HERC1: variants seen among roughly 807,000 people sequenced by gnomAD.
HERC1 encodes the protein probable E3 ubiquitin-protein ligase HERC1.
A neutral mutation model predicts 554.3 loss-of-function variants in HERC1; 160 were observed. The observed-to-expected ratio is 0.29, with a 90% confidence interval of 0.25 to 0.33. HERC1 has a LOEUF of 0.33. Ranked by LOEUF, HERC1 falls within the 10% of genes least tolerant of loss-of-function variation. The pLI is 1.00. For synonymous variants in HERC1, 2,175 were observed against 2,131.7 expected, an observed-to-expected ratio of 1.02 and a Z score of -0.56; for missense variants, 4,919 against 5,918.5, an observed-to-expected ratio of 0.83 and a Z score of 5.54.
In HERC1 at chr15:63,828,832, T is replaced by C. The variant is rs566970889; in HGVS notation, c.-27+4995A>G. ...AAACTAAAGGGAGTGGTAAAGAAAA[T>C]AACTAACCTAAGTAACTTTGGAAAA... On this transcript the variant is annotated intron_variant, in intron 1 of 77. Coordinates refer to ENST00000443617, the MANE Select transcript of HERC1 (RefSeq NM_003922.4). Among the ~76,000 whole-genome samples, 8 of 152,154 alleles carry C rather than the reference T, an allele frequency of 5.3e-5. 1 individual carries two copies. Among genetic ancestry groups the C allele is most frequent in the African/African-American group, 1.9e-4 (8 of 41,498 alleles).
In HERC1 at chr15:63,608,825, C is replaced by G. The variant is rs1475217027; in HGVS notation, c.*256G>C. On this transcript the variant is annotated 3_prime_UTR_variant, in exon 78 of 78. Coordinates refer to ENST00000443617, the MANE Select transcript of HERC1 (RefSeq NM_003922.4). ...ATGCACCAAAATGGTTTCATGCAAA[C>G]TTATCAAAAGTGACCAAAAATATGG... 1 of 319,052 alleles carries G rather than the reference C, an allele frequency of 3.1e-6. No individual in the cohort carries two copies. Among genetic ancestry groups the G allele is most frequent in the Non-Finnish European group, 5.7e-6 (1 of 174,194 alleles). The allele number at this position is 319,052 out of a possible 1,614,324, so 19.8% of individuals were successfully genotyped here.
rs1022076567 is a variant in HERC1 at position 63,612,984 on chromosome 15, A to T, written c.14095-428T>A. Among the ~76,000 whole-genome samples the T allele has an allele frequency of 6.6e-6, 1 of 152,194 alleles. No individual in the cohort carries two copies. Among genetic ancestry groups the T allele is most frequent in the African/African-American group, 2.4e-5 (1 of 41,446 alleles). On this transcript the variant is annotated intron_variant, in intron 76 of 77. Coordinates refer to ENST00000443617, the MANE Select transcript of HERC1 (RefSeq NM_003922.4). The surrounding 1 kb of genome is among the most constrained non-coding windows in gnomAD (Gnocchi z 5.0). ...TCAACTAGCTGCCTACTGTTTTTTA[A>T]ATTTATATTTGTCTTTTGAAAATAA... is the stretch of plus-strand genomic sequence containing the variant.
chr15:63,640,119 G>T, intron 61 of HERC1, 33 bp downstream of exon 61: 1 of 1,599,416 alleles, frequency 6.3e-7, no homozygotes, highest in Non-Finnish European at 8.6e-7. Context: ...TAAAATCTCA[G>T]CTGCAAATAA....
chr15:63,681,943 TAA>T (rs955819411), intron 34 of HERC1, among the ~76,000 whole-genome samples: 5 of 152,224 alleles, frequency 3.3e-5, no homozygotes, highest in African/African-American at 1.2e-4. Flanking sequence ...CATTATAATA[TAA>T]GTCTCCGTCA....
chr15:63,735,024 T>C (rs2074439428), intron 12 of HERC1, among the ~76,000 whole-genome samples, 175 bp from the exon 13 acceptor site: 1 of 152,198 alleles, frequency 6.6e-6, no homozygotes, highest in African/African-American at 2.4e-5. Context: ...TATGAATACA[T>C]ATTTTCGATT....
Position 63,677,753 on chromosome 15 carries a change from C to G in HERC1, c.7070+92G>C. The G allele has an allele frequency of 6.6e-7, 1 of 1,509,656 alleles. No individual in the cohort carries two copies. The highest frequency in any genetic ancestry group is 8.8e-7 in the Non-Finnish European group (1 of 1,131,604). 93.5% of individuals were successfully genotyped at this position (1,509,656 alleles called of 1,614,324 possible). Reference sequence around the variant, plus strand: ...TTTTTAAAAGTTAACTGGCAGCTCACCTAAAATACATAATTACTCACTGTC... The same window carrying G: ...TTTTTAAAAGTTAACTGGCAGCTCAGCTAAAATACATAATTACTCACTGTC... On this transcript the variant is annotated intron_variant, in intron 37 of 77. Transcript: ENST00000443617. This position sits in a 1 kb window ranked among gnomAD's most constrained non-coding sequence, Gnocchi z 4.4.
At chr15:63,774,583 A>G (rs1329716450) in intron 2 of HERC1, 111 bp downstream of exon 2, 2 of 789,000 alleles carry the variant, frequency 2.5e-6, no homozygotes, top group Non-Finnish European at 2.0e-6. Flanking sequence ...AATTAACTCA[A>G]CAATCACCAA....
At chr15:63,665,072 G>A (rs887358792) in intron 42 of HERC1, among the ~76,000 whole-genome samples, 6 of 152,060 alleles carry the variant, frequency 3.9e-5, no homozygotes, top group African/African-American at 1.4e-4. Flanking sequence ...CATAAGAAGT[G>A]ATGAAGGAAA....
At chr15:63,773,760 T>C (rs1370767972) in intron 2 of HERC1, among the ~76,000 whole-genome samples, 2 of 151,848 alleles carry the variant, frequency 1.3e-5, no homozygotes, top group African/African-American at 4.8e-5. Context: ...GCCAGGCTGG[T>C]TTCAAACTCC....
intron 3 of HERC1, among the ~76,000 whole-genome samples, chr15:63,762,838 G>A (rs1312530150): frequency 3.9e-5 from 6 of 152,176 alleles, no homozygotes; most frequent in African/African-American, 4.8e-5. Flanking sequence ...TGAGTGTTGC[G>A]AGGGAAACTG....
In HERC1 at chr15:63,762,241, AAAC is replaced by A. The variant is rs540030192; in HGVS notation, c.1026+1852_1026+1854del. On this transcript the variant is annotated intron_variant, in intron 3 of 77. Coordinates refer to ENST00000443617, the MANE Select transcript of HERC1 (RefSeq NM_003922.4). The stretch of plus-strand genomic sequence containing the variant: ...CTGAAGAGACTAATAGCCAAAAATG[AAAC>A]AACATGACCTTCACTGCAGATAATA... 2.5e-4 allele frequency among the ~76,000 whole-genome samples: 38 copies of A among 152,352 alleles called. No individual in the cohort carries two copies. In the South Asian group the frequency reaches 7.7e-3, roughly 31 times the overall value.
At position 63,677,940 on chromosome 15, in the gene HERC1, G is replaced by A. The variant is rs185323517; in HGVS notation, c.6975C>T (p.His2325=). The A allele has an allele frequency of 5.6e-6, 9 of 1,613,982 alleles. No homozygotes were observed. The African/African-American group carries it at 8.0e-5, about 14-fold the overall frequency. ...GCGTGGCATGGCGCCCAGTTTGCTTGTGAACACACCGACCTCCAACTCTAA... is the reference window on the plus strand; with the variant it reads ...GCGTGGCATGGCGCCCAGTTTGCTTATGAACACACCGACCTCCAACTCTAA... The part of the protein sequence containing the change: ...AGLRVGGRCV[H]KQTGRHATLL... Residue 2325 remains histidine, a synonymous_variant, in exon 37 of 78, where the codon CAC becomes CAT. Coordinates refer to ENST00000443617, the MANE Select transcript of HERC1 (RefSeq NM_003922.4). The surrounding 1 kb of genome is among the most constrained non-coding windows in gnomAD (Gnocchi z 4.4).
chr15:63,804,871 T>G (rs750500724), intron 1 of HERC1, among the ~76,000 whole-genome samples: 1 of 152,124 alleles, frequency 6.6e-6, no homozygotes, highest in Non-Finnish European at 1.5e-5. Context: ...GAAATGGAAA[T>G]TGAAACCACA....
At position 63,774,740 on chromosome 15, in the gene HERC1, C is replaced by T; in HGVS notation, c.884G>A (p.Ser295Asn). 6.2e-7 allele frequency: 1 copy of T among 1,613,860 alleles called. No individual in the cohort carries two copies. Among genetic ancestry groups the T allele is most frequent in the Non-Finnish European group, 8.5e-7 (1 of 1,179,802 alleles). ...TAATATGGTCATAAAGCAGTCAAAG[C>T]TGATCATTCCTTCCTGGCTTGAGAG... ...KLLSSQEGMI[S>N]FDCFMTILMQ... Residue 295 changes from serine to asparagine, a missense_variant, in exon 2 of 78, where the codon AGC (serine) becomes AAC (asparagine). Physicochemically the swap from Ser to Asn is conservative, Grantham distance 46 (BLOSUM62 1). Around this residue, in one of 11 missense-constraint regions of HERC1, gnomAD observed 744 missense variants for 1,090.0 expected, o/e 0.68. Transcript: ENST00000443617.
chr15:63,693,148 A>G (rs1195770302), intron 30 of HERC1, among the ~76,000 whole-genome samples: 1 of 152,092 alleles, frequency 6.6e-6, no homozygotes, highest in East Asian at 1.9e-4. Flanking sequence ...ACTGCACTCC[A>G]GCCTGGGTGA....
chr15:63,681,408 TCTGGTCTTGAACTC>T (rs2071470640), intron 34 of HERC1, among the ~76,000 whole-genome samples: 1 of 152,052 alleles, frequency 6.6e-6, no homozygotes, highest in Admixed American at 6.6e-5. Flanking sequence ...TGTTACACAG[TCTGGTCTTGAACTC>T]CTGGCCTCAA....
rs556495260 is a variant in HERC1, at chr15:63,707,156, C to T, written c.4585-325G>A. Among the ~76,000 whole-genome samples, 75 of 152,256 alleles carry T rather than the reference C, an allele frequency of 4.9e-4. 1 individual carries two copies. The South Asian group carries it at 0.012, about 24-fold the overall frequency. On this transcript the variant is annotated intron_variant, in intron 24 of 77. Transcript: ENST00000443617. ...ACAGTATGATCTTATTAGCACCTTC[C>T]GGATGCCTAAAGCCTTGAAGTAGTG...
chr15:63,811,193 GAATT>G (rs2077295990), intron 1 of HERC1, among the ~76,000 whole-genome samples: 1 of 152,188 alleles, frequency 6.6e-6, no homozygotes, highest in South Asian at 2.1e-4. Context: ...AGGTGACAAT[GAATT>G]AATGTTATTT....
intron 71 of HERC1, among the ~76,000 whole-genome samples, chr15:63,625,503 G>A (rs998240246): frequency 2.6e-5 from 4 of 151,976 alleles, no homozygotes; most frequent in African/African-American, 9.7e-5. Context: ...AGACCAGCCT[G>A]ACTAACATGG....
Sources: allele counts gnomAD v4.1 joint callset (sites outside exome capture counted in the v4.1 genomes callset), GRCh38; gene constraint gnomAD v4.1.1; regional missense constraint gnomAD v4.1.1; non-coding constraint Gnocchi (gnomAD v3.1); transcripts MANE v1.5; gene names NCBI Gene and HGNC (gene_info 2026-07-23, HGNC 2026-07-21).